The following NLGN1 variants were observed in gnomAD, a reference collection of about 807,000 sequenced individuals.
NLGN1 encodes the protein neuroligin-1.
In NLGN1, 12 loss-of-function variants were observed where a neutral mutation model predicts 65.5. The observed-to-expected ratio is 0.18, with a 90% CI of 0.12 to 0.30. The LOEUF (loss-of-function observed/expected upper bound fraction) is 0.30. Among genes scored for constraint, NLGN1 ranks in the 10% least tolerant of loss-of-function variants. The pLI, the probability that NLGN1 is intolerant of heterozygous loss-of-function variation, is 1.00. For missense variants in NLGN1, 750 were observed against 1,007.1 expected (o/e 0.74, Z 3.46); for synonymous variants, 350 against 359.5 (o/e 0.97, Z 0.30).
At chr3:173,597,693 C>CATAT (rs10662198) in intron 2 of NLGN1, among the ~76,000 whole-genome samples, 85 of 150,376 alleles carry the variant, frequency 5.7e-4, no homozygotes, top group Non-Finnish European at 9.6e-4. Flanking sequence ...TAGGAATATA[C>CATAT]ATATATATAT....
At chr3:173,769,349 T>G (rs1233672353) in intron 3 of NLGN1, among the ~76,000 whole-genome samples, 5 of 152,216 alleles carry the variant, frequency 3.3e-5, no homozygotes, top group Non-Finnish European at 5.9e-5. Context: ...GTGACTTCTA[T>G]GCTCAAATGA....
intron 3 of NLGN1, among the ~76,000 whole-genome samples, chr3:173,744,240 C>T (rs1454559013): frequency 6.6e-6 from 1 of 152,090 alleles, no homozygotes; most frequent in Non-Finnish European, 1.5e-5. Context: ...ATATATAACA[C>T]ATCAGAACAA....
chr3:173,471,660 A>G (rs911379463), intron 2 of NLGN1, among the ~76,000 whole-genome samples: 1 of 152,126 alleles, frequency 6.6e-6, no homozygotes, highest in Non-Finnish European at 1.5e-5. Flanking sequence ...ACATAATTCA[A>G]CTAATAACAA....
chr3:173,632,856 T>TTTTTTTTG (rs1755938790), intron 3 of NLGN1, among the ~76,000 whole-genome samples: 1 of 150,218 alleles, frequency 6.7e-6, no homozygotes, highest in Admixed American at 6.7e-5. Context: ...TTTGTTTTTT[T>TTTTTTTTG]TTTTTTTTTT....
chr3:174,180,428 T>G (rs2152745625), intron 4 of NLGN1, among the ~76,000 whole-genome samples: 1 of 152,280 alleles, frequency 6.6e-6, no homozygotes, highest in Non-Finnish European at 1.5e-5. Context: ...GAGCTGTTTC[T>G]AGAGAAATGT....
intron 4 of NLGN1, among the ~76,000 whole-genome samples, chr3:174,191,007 G>T (rs183650782): frequency 6.6e-6 from 1 of 152,096 alleles, no homozygotes; most frequent in Admixed American, 6.6e-5. Context: ...GTGTGCGTGT[G>T]TGTGTGTGTG....
intron 3 of NLGN1, among the ~76,000 whole-genome samples, chr3:173,805,833 A>C (rs1716514666): frequency 6.6e-6 from 1 of 152,220 alleles, no homozygotes; most frequent in African/African-American, 2.4e-5. Context: ...GTATGTAGCA[A>C]ACAGGCATTT....
chr3:173,835,580 TAC>T (rs57183549), intron 4 of NLGN1, among the ~76,000 whole-genome samples: 3,751 of 146,404 alleles, frequency 0.026, 178 homozygotes, highest in African/African-American at 0.085. Context: ...TTCAAACACA[TAC>T]ACACACACAC....
At chr3:173,549,645 T>TGCTA (rs1206873064) in intron 2 of NLGN1, among the ~76,000 whole-genome samples, 3 of 152,102 alleles carry the variant, frequency 2.0e-5, no homozygotes, top group African/African-American at 7.2e-5. Flanking sequence ...ACAGGAGGGA[T>TGCTA]GCTAAATCAT....
At position 173,729,625 on chromosome 3, in the gene NLGN1, C is replaced by T. The variant is rs781069224; in HGVS notation, c.494-78055C>T. 5.9e-5 allele frequency among the ~76,000 whole-genome samples: 9 copies of T among 152,118 alleles called. 1 individual carries two copies. The South Asian group carries it at 8.3e-4, about 14-fold the overall frequency. On this transcript the variant is annotated intron_variant, in intron 3 of 6. Transcript: ENST00000457714. ...CCTTTGATGGAATGCAAATCTGCAA[C>T]GTGGAATTTCTGCTGCTTGTAAAAG...
intron 4 of NLGN1, among the ~76,000 whole-genome samples, chr3:174,018,733 C>T (rs1560854201): frequency 6.6e-6 from 1 of 152,138 alleles, no homozygotes. Context: ...TTGATTTCCC[C>T]ACTTTTCCTT....
At position 174,239,600 on chromosome 3, in the gene NLGN1, G is replaced by T. The variant is rs552813361; in HGVS notation, c.647-35715G>T. Among the ~76,000 whole-genome samples, 5 of 151,986 alleles carry T rather than the reference G, an allele frequency of 3.3e-5. No individual in the cohort carries two copies. The South Asian group carries it at 1.0e-3, about 32-fold the overall frequency. On this transcript the variant is annotated intron_variant, in intron 4 of 6. Coordinates refer to ENST00000457714, the Ensembl canonical transcript of NLGN1. ...TGATTCATTTTTAATGTTTCCTTTT[G>T]TATTAATTTTTTAAATCCTGGATAA...
chr3:173,915,879 C>G (rs1740633763), intron 4 of NLGN1, among the ~76,000 whole-genome samples: 1 of 151,854 alleles, frequency 6.6e-6, no homozygotes, highest in Non-Finnish European at 1.5e-5. Context: ...AAAGCCTATA[C>G]TAGTCTTTCT....
rs1476834554 is a variant in NLGN1 at position 173,761,877 on chromosome 3, G to C, written c.494-45803G>C. ...ATCAAGGCAAATCTAATAAAATGGAGCTAAGGATCGTCAGTCTGTGAGGCT... is the reference window on the plus strand; with the variant it reads ...ATCAAGGCAAATCTAATAAAATGGACCTAAGGATCGTCAGTCTGTGAGGCT... On this transcript the variant is annotated intron_variant, in intron 3 of 6. Coordinates refer to ENST00000457714, the Ensembl canonical transcript of NLGN1. 2.0e-5 allele frequency among the ~76,000 whole-genome samples: 3 copies of C among 152,156 alleles called. No homozygotes were observed. In the South Asian group the frequency reaches 6.2e-4, roughly 32 times the overall value.
At chr3:173,494,318 A>T (rs1729669022) in intron 2 of NLGN1, among the ~76,000 whole-genome samples, 1 of 150,710 alleles carries the variant, frequency 6.6e-6, no homozygotes, top group South Asian at 2.1e-4. Flanking sequence ...GCTTTTGGGC[A>T]TTTGTGTATC....
At chr3:173,918,700 GTGTA>G (rs757498364) in intron 4 of NLGN1, among the ~76,000 whole-genome samples, 3,162 of 81,724 alleles carry the variant, frequency 0.039, 29 homozygotes, top group East Asian at 0.069. Context: ...GTGTGTGTGT[GTGTA>G]TATATATATA....
intron 3 of NLGN1, among the ~76,000 whole-genome samples, chr3:173,617,034 C>T (rs1202662282): frequency 6.6e-6 from 1 of 151,972 alleles, no homozygotes. Context: ...TCTTTTTGTT[C>T]CTGGAATAGT....
intron 3 of NLGN1, among the ~76,000 whole-genome samples, chr3:173,675,214 CTA>C (rs1192385586): frequency 6.6e-6 from 1 of 152,108 alleles, no homozygotes; most frequent in Non-Finnish European, 1.5e-5. Context: ...GCACTGATGT[CTA>C]TGTGGATCTT....
intron 4 of NLGN1, among the ~76,000 whole-genome samples, chr3:174,171,554 G>A (rs1003617276): frequency 4.6e-5 from 7 of 152,094 alleles, no homozygotes; most frequent in African/African-American, 1.7e-4. Context: ...GTCTTAAAGA[G>A]ATCTTTAATG....
Sources: allele counts gnomAD v4.1 joint callset (sites outside exome capture counted in the v4.1 genomes callset), GRCh38; gene constraint gnomAD v4.1.1; transcripts MANE v1.5; gene names NCBI Gene and HGNC (gene_info 2026-07-23, HGNC 2026-07-21).